ARHGAP8: variants seen among roughly 807,000 people sequenced by gnomAD.
The protein encoded by ARHGAP8 is Rho GTPase activating protein 8.
Under a neutral mutation model 46.1 loss-of-function variants are expected in ARHGAP8, and 62 were observed. That is an observed-to-expected ratio of 1.34 (90% CI 1.10 to 1.66). The LOEUF (loss-of-function observed/expected upper bound fraction) is 1.66. ARHGAP8 is among the 40% of genes most tolerant of loss of function. ARHGAP8 has a pLI of 0.00. For missense variants in ARHGAP8, 923 were observed against 568.4 expected (o/e 1.62, Z -6.34); for synonymous variants, 375 against 243.1 (o/e 1.54, Z -5.05).
At chr22:44,809,004 A>G (rs1300157230) in intron 4 of ARHGAP8, 2 of 421,604 alleles carry the variant, frequency 4.7e-6, no homozygotes, top group Non-Finnish European at 9.5e-6. Context: ...TTTTTTTTGT[A>G]GAGACGGGGA....
chr22:44,845,184 G>T (rs921067476), intron 7 of ARHGAP8, 85 bp from the exon 8 acceptor site: 6 of 1,532,690 alleles, frequency 3.9e-6, no homozygotes, highest in African/African-American at 1.4e-5. Context: ...TTTCACAGGG[G>T]TGTGGAGAGG....
rs949352661 is a variant in ARHGAP8, at chr22:44,822,310, A to C, written c.387-61A>C. 2.5e-5 allele frequency: 36 copies of C among 1,450,252 alleles called. No individual in the cohort carries two copies. In the Admixed American group the frequency reaches 4.4e-4, roughly 18 times the overall value. The allele number at this position is 1,450,252 out of a possible 1,614,324, so 89.8% of individuals were successfully genotyped here. A position where few individuals can be genotyped will look rare whatever the true frequency, so the allele number is the denominator to read the frequency against. On this transcript the variant is annotated intron_variant, in intron 5 of 11. Coordinates refer to ENST00000356099, the MANE Select transcript of ARHGAP8 (RefSeq NM_181335.3). ...CCGCCAACTCCCCCTCCCTCCCTGC[A>C]ACCCTCGGCCTCTCTGCTGGCGCCT... is the stretch of plus-strand genomic sequence containing the variant.
At chr22:44,862,217 C>G (rs997573234) in intron 11 of ARHGAP8, 58 bp from the exon 12 acceptor site, 1 of 1,532,720 alleles carries the variant, frequency 6.5e-7, no homozygotes, top group Non-Finnish European at 8.8e-7. Flanking sequence ...GGAGGGAGTT[C>G]CAGGTGCCCG....
intron 7 of ARHGAP8, among the ~76,000 whole-genome samples, chr22:44,827,980 G>A (rs772170934): frequency 8.5e-5 from 13 of 152,160 alleles, no homozygotes; most frequent in Non-Finnish European, 1.9e-4. Context: ...GCCAGTGCTC[G>A]CGTGCGGCTA....
chr22:44,789,558 C>T (rs5766022), intron 2 of ARHGAP8, among the ~76,000 whole-genome samples: 58,233 of 151,996 alleles, frequency 0.38, 12,200 homozygotes, highest in East Asian at 0.55. Context: ...TGTGCAGTGG[C>T]GCTGTCTCGG....
At position 44,752,600 on chromosome 22, in the gene ARHGAP8, G is replaced by C. The variant is rs1460997489; in HGVS notation, c.-99G>C. The C allele has an allele frequency of 6.6e-6, 1 of 152,034 alleles. No homozygotes were observed. Among genetic ancestry groups the C allele is most frequent in the African/African-American group, 2.4e-5 (1 of 41,332 alleles). The allele number at this position is 152,034 out of a possible 1,614,324, so 9.4% of individuals were successfully genotyped here. On this transcript the variant is annotated 5_prime_UTR_variant, in exon 1 of 12. Coordinates refer to ENST00000356099, the MANE Select transcript of ARHGAP8 (RefSeq NM_181335.3). ...AGGTGAGCGGCAGACCCGGCACGCA[G>C]GTGGGGGCCGGCGGGGTCCGTGGCC...
At chr22:44,861,713 T>TG (rs2070494967) in intron 11 of ARHGAP8, among the ~76,000 whole-genome samples, 1 of 152,150 alleles carries the variant, frequency 6.6e-6, no homozygotes, top group Admixed American at 6.5e-5. Flanking sequence ...CACATGACCT[T>TG]GGGCAAGTCT....
intron 1 of ARHGAP8, among the ~76,000 whole-genome samples, chr22:44,780,728 A>AC (rs1200291994): frequency 1.3e-5 from 2 of 152,036 alleles, no homozygotes; most frequent in African/African-American, 4.8e-5. Flanking sequence ...CCCTGCCCTC[A>AC]CCCCCACCAC....
chr22:44,765,223 C>T (rs769510240), intron 1 of ARHGAP8: 1 of 152,388 alleles, frequency 6.6e-6, no homozygotes, highest in South Asian at 2.1e-4. Flanking sequence ...TGTTCCGTCT[C>T]GTGTCACTGT....
In ARHGAP8 at chr22:44,862,525, C is replaced by T. The variant is rs780382983; in HGVS notation, c.1232C>T (p.Thr411Ile). 12 of 1,610,954 alleles carry T rather than the reference C, an allele frequency of 7.4e-6. No individual in the cohort carries two copies. The highest frequency in any genetic ancestry group is 2.2e-5 in the East Asian group (1 of 44,804). Residue 411 changes from threonine to isoleucine, a missense_variant, in exon 12 of 12, where the codon ACA becomes ATA. By Grantham distance (89) the Thr-to-Ile change is moderately conservative (BLOSUM62 -1). Transcript: ENST00000356099. ...AAPLQEAVPRTQATGLTKPTL... is the reference protein window; with the variant it reads ...AAPLQEAVPRIQATGLTKPTL... ...CCTTTGCAGGAGGCTGTGCCACGGACACAAGCCACGGGCCTCACCAAGCCT... is the reference window on the plus strand; with the variant it reads ...CCTTTGCAGGAGGCTGTGCCACGGATACAAGCCACGGGCCTCACCAAGCCT...
chr22:44,767,161 G>C (rs565006986), intron 1 of ARHGAP8, among the ~76,000 whole-genome samples: 1 of 152,312 alleles, frequency 6.6e-6, no homozygotes, highest in East Asian at 1.9e-4. Flanking sequence ...AAGTGGGGAA[G>C]TTGGATGTAT....
chr22:44,775,630 A>G (rs1191773331), intron 1 of ARHGAP8, among the ~76,000 whole-genome samples: 4 of 151,990 alleles, frequency 2.6e-5, no homozygotes, highest in African/African-American at 9.7e-5. Context: ...TTGTATTATT[A>G]GTAGAGATGG....
intron 1 of ARHGAP8, chr22:44,765,288 G>C (rs1217569359): frequency 6.6e-6 from 1 of 152,372 alleles, no homozygotes; most frequent in Non-Finnish European, 1.5e-5. Context: ...TGCCCTGGGA[G>C]GGGTGCATAC....
chr22:44,823,713 C>A (rs750541224), intron 6 of ARHGAP8, among the ~76,000 whole-genome samples: 1 of 152,100 alleles, frequency 6.6e-6, no homozygotes, highest in African/African-American at 2.4e-5. Context: ...GTGATTTGGT[C>A]TGGTGACAAA....
At chr22:44,836,142 C>A (rs1170560759) in intron 7 of ARHGAP8, among the ~76,000 whole-genome samples, 5 of 152,176 alleles carry the variant, frequency 3.3e-5, no homozygotes, top group African/African-American at 1.2e-4. Context: ...TACAGGATTC[C>A]AGTGCCTTGT....
At chr22:44,851,093 C>G (rs1403823667) in intron 10 of ARHGAP8, 1 of 152,088 alleles carries the variant, frequency 6.6e-6, no homozygotes, top group Non-Finnish European at 1.5e-5. Context: ...ATTCAAAGTG[C>G]TACCTCTGCC....
At chr22:44,803,051 G>C (rs1472246420) in intron 3 of ARHGAP8, among the ~76,000 whole-genome samples, 1 of 152,176 alleles carries the variant, frequency 6.6e-6, no homozygotes, top group Non-Finnish European at 1.5e-5. Context: ...AGCGCCTACT[G>C]TATGTGAGAC....
rs9626247 is a variant in ARHGAP8 at position 44,808,358 on chromosome 22, C to T, written c.219C>T (p.Val73=). ...DQYVENDYTI[V]YFHYGLNSRN... is the part of the protein sequence containing the mutation. Reference sequence around the variant, plus strand: ...ACGTTGAGAACGATTATACCATCGTCTATTTCCACTACGGGCTGAACAGCC... The same window carrying T: ...ACGTTGAGAACGATTATACCATCGTTTATTTCCACTACGGGCTGAACAGCC... Residue 73 remains valine (V), a synonymous_variant, in exon 4 of 12, where the codon GTC becomes GTT. Transcript: ENST00000356099. 2 of 1,614,144 alleles carry T rather than the reference C, an allele frequency of 1.2e-6. No individual in the cohort carries two copies. The highest frequency in any genetic ancestry group is 1.3e-5 in the African/African-American group (1 of 74,948).
At chr22:44,759,725 G>A (rs751051530) in intron 1 of ARHGAP8, among the ~76,000 whole-genome samples, 5 of 152,202 alleles carry the variant, frequency 3.3e-5, no homozygotes, top group Non-Finnish European at 5.9e-5. Flanking sequence ...TGGTCAGGGA[G>A]ATTGTCAGGG....
Sources: gnomAD v4.1 joint callset for allele counts (sites outside exome capture counted in the v4.1 genomes callset) on GRCh38, gnomAD v4.1.1 for gene constraint, MANE v1.5 for transcripts, NCBI Gene and HGNC (gene_info 2026-07-23, HGNC 2026-07-21) for gene names.